KIFC3: variants seen among roughly 807,000 people sequenced by gnomAD.
KIFC3 encodes kinesin-like protein KIFC3.
KIFC3 carries 60 observed loss-of-function variants against 101.8 expected under a neutral mutation model. The observed-to-expected ratio is 0.59, with a 90% confidence interval of 0.48 to 0.73. The LOEUF is 0.73. Among genes scored for constraint, KIFC3 ranks in the 30% least tolerant of loss-of-function variants. KIFC3 has a pLI of 0.00. For synonymous variants in KIFC3, 476 were observed against 482.7 expected, an observed-to-expected ratio of 0.99 and a Z score of 0.18; for missense variants, 966 against 1,137.1, an observed-to-expected ratio of 0.85 and a Z score of 2.16.
intron 17 of KIFC3, 194 bp from the exon 18 acceptor site, chr16:57,760,030 G>C: frequency 1.6e-6 from 1 of 613,798 alleles, no homozygotes; most frequent in South Asian, 2.0e-5. Context: ...AAGTCAACTA[G>C]TTACCACTGA....
At chr16:57,788,674 CCT>C (rs781916052) in intron 3 of KIFC3, 49 of 1,289,642 alleles carry the variant, frequency 3.8e-5, no homozygotes, top group African/African-American at 9.1e-5. Flanking sequence ...TCTTTCGTCC[CCT>C]GACTCTGGCT....
chr16:57,774,718 G>C (rs533832463), intron 3 of KIFC3: 1 of 464,936 alleles, frequency 2.2e-6, no homozygotes, highest in Non-Finnish European at 3.7e-6. Flanking sequence ...TGTATAGAAG[G>C]GTCTTGCCAT....
At chr16:57,805,132 G>A (rs782563612), upstream of KIFC3, among the ~76,000 whole-genome samples, 4 of 150,912 alleles carry the variant, frequency 2.7e-5, no homozygotes, top group Non-Finnish European at 5.9e-5. Flanking sequence ...TGCCCAGCAT[G>A]ACTCAGTTTT....
intron 1 of KIFC3, chr16:57,810,718 A>G: frequency 1.0e-5 from 10 of 983,650 alleles, no homozygotes; most frequent in Non-Finnish European, 1.2e-5. Context: ...CATGCCAGGC[A>G]AAGGGAAAAA....
At chr16:57,841,888 C>A (rs1463057589) in intron 1 of KIFC3, among the ~76,000 whole-genome samples, 1 of 151,742 alleles carries the variant, frequency 6.6e-6, no homozygotes, top group Admixed American at 6.6e-5. Context: ...ATCCACCCCC[C>A]ACACACCCCA....
Position 57,766,980 on chromosome 16 carries a change from G to T in KIFC3, c.1224C>A (p.Gly408=). ...TGCTGTTGACCTCCTCGATGGCCTGGCCTATCTGGTGGGGGGTGCACACCA... is the reference window on the plus strand; with the variant it reads ...TGCTGTTGACCTCCTCGATGGCCTGTCCTATCTGGTGGGGGGTGCACACCA... ...EALRSVKAEI[G]QAIEEVNSNN... The change falls in exon 10 of 20, where the codon GGC becomes GGA. Residue 408 remains glycine, a synonymous_variant. Transcript: ENST00000445690. 5.0e-6 allele frequency: 8 copies of T among 1,612,726 alleles called. No homozygotes were observed. The highest frequency in any genetic ancestry group is 6.8e-6 in the Non-Finnish European group (8 of 1,179,682).
chr16:57,816,419 C>T, intron 1 of KIFC3: 1 of 516,976 alleles, frequency 1.9e-6, no homozygotes, highest in South Asian at 1.5e-5. Context: ...GAAGCTGGGC[C>T]AAGAGGCAAA....
intron 1 of KIFC3, among the ~76,000 whole-genome samples, chr16:57,832,030 GT>G (rs11418363): frequency 6.6e-6 from 1 of 151,540 alleles, no homozygotes; most frequent in Non-Finnish European, 1.5e-5. Flanking sequence ...TTTTGTTTTT[GT>G]TTTTTTTAAG....
intron 3 of KIFC3, chr16:57,774,647 C>A: frequency 3.7e-6 from 1 of 270,784 alleles, no homozygotes. Context: ...CTCAGCCTCC[C>A]GAGTAGCTGG....
rs542476459 is a variant in KIFC3, at chr16:57,823,761, TTGTGTGTGTG to T, written c.109-25489_109-25480del. ...GTGTGCACCACCACACCCGGCTACT[TTGTGTGTGTG>T]TGTGTGTGTGTGTGTGTGTGTGTGT... On this transcript the variant is annotated intron_variant, in intron 1 of 2. Transcript: ENST00000563028. Among the ~76,000 whole-genome samples, 389 of 136,710 alleles carry T rather than the reference TTGTGTGTGTG, an allele frequency of 2.8e-3. 1 individual carries two copies. The highest frequency in any genetic ancestry group is 6.8e-3 in the African/African-American group (249 of 36,794). 89.7% of individuals were successfully genotyped at this position (136,710 alleles called of 152,430 possible).
chr16:57,764,814 T>C (rs1392395223), intron 11 of KIFC3, among the ~76,000 whole-genome samples: 2 of 134,658 alleles, frequency 1.5e-5, no homozygotes, highest in Non-Finnish European at 3.2e-5. Flanking sequence ...GATGGGGCCA[T>C]GTGGGTGGCC....
rs782083612 is a variant in KIFC3 at position 57,769,694 on chromosome 16, C to T, written c.1119G>A (p.Pro373=). 166 of 1,612,668 alleles carry T rather than the reference C, an allele frequency of 1.0e-4. No homozygotes were observed. Among genetic ancestry groups the T allele is most frequent in the Middle Eastern group, 1.8e-4 (1 of 5,594 alleles). ...GVRTNLLTLQ[P]ALRTLTNDYN... ...AGTCGTTGGTGAGGGTCCGCAGTGC[C>T]GGCTGCAAGGTCAGCAAGTTGGTCC... The change falls in exon 9 of 20, where the codon CCG becomes CCA. Residue 373 remains proline (P), a synonymous_variant. Transcript: ENST00000445690. This position sits in a 1 kb window ranked among gnomAD's most constrained non-coding sequence, Gnocchi z 4.3.
intron 1 of KIFC3, among the ~76,000 whole-genome samples, chr16:57,827,668 G>A (rs1555631005): frequency 6.6e-6 from 1 of 152,026 alleles, no homozygotes; most frequent in Non-Finnish European, 1.5e-5. Flanking sequence ...AAGCAACCAC[G>A]AGGCCATGGA....
intron 1 of KIFC3, among the ~76,000 whole-genome samples, chr16:57,823,753 C>T (rs570590178): frequency 1.1e-4 from 11 of 97,142 alleles, no homozygotes; most frequent in South Asian, 6.4e-4. Flanking sequence ...CCACCACACC[C>T]GGCTACTTTG....
intron 11 of KIFC3, 134 bp downstream of exon 11, chr16:57,765,325 G>GTGT: frequency 1.1e-6 from 1 of 869,612 alleles, no homozygotes; most frequent in Admixed American, 2.8e-5. Context: ...GAAGGAGCAG[G>GTGT]ACCCTGGCTC....
At chr16:57,812,067 G>A (rs1408096302) in intron 1 of KIFC3, among the ~76,000 whole-genome samples, 42 of 145,834 alleles carry the variant, frequency 2.9e-4, no homozygotes, top group Non-Finnish European at 4.4e-4. Context: ...TTTTTGAGAC[G>A]GAGTCTCGCT....
rs1399382091 is a variant in KIFC3, at chr16:57,760,894, G to A, written c.2064C>T (p.Gly688=). The A allele has an allele frequency of 6.2e-7, 1 of 1,610,138 alleles. No homozygotes were observed. The highest frequency in any genetic ancestry group is 8.5e-7 in the Non-Finnish European group (1 of 1,179,598). Residue 688 remains glycine (G), a synonymous_variant, in exon 16 of 20, where the codon GGC becomes GGT. Transcript: ENST00000445690. ...TGTGCTGCGCCTCCCGCAGGCGGCT[G>A]CCCTCGGCCCCCGACTTGCCCACGC... The part of the protein sequence containing the change: ...SERVGKSGAE[G]SRLREAQHIN...
chr16:57,808,710 G>A (rs1193914638), intron 1 of KIFC3, among the ~76,000 whole-genome samples: 2 of 152,160 alleles, frequency 1.3e-5, no homozygotes, highest in East Asian at 1.9e-4. Context: ...GTGTTAAGGA[G>A]AGACAGTATA....
chr16:57,802,997 A>T (rs2054838191), upstream of KIFC3: 1 of 1,535,740 alleles, frequency 6.5e-7, no homozygotes, highest in South Asian at 1.2e-5. This position sits in a 1 kb window ranked among gnomAD's most constrained non-coding sequence, Gnocchi z 5.0. Context: ...GTGTCCTTGC[A>T]CGCGCTGGCG....
Sources: allele counts gnomAD v4.1 joint callset (sites outside exome capture counted in the v4.1 genomes callset), GRCh38; gene constraint gnomAD v4.1.1; non-coding constraint Gnocchi (gnomAD v3.1); transcripts MANE v1.5; gene names NCBI Gene and HGNC (gene_info 2026-07-23, HGNC 2026-07-21).